Variants in NEU3 observed in about 807,000 individuals in gnomAD.
The protein encoded by NEU3 is sialidase-3.
A neutral mutation model predicts 11.4 loss-of-function variants in NEU3; 10 were observed. That is an observed-to-expected ratio of 0.88 (90% CI 0.54 to 1.49). The LOEUF (loss-of-function observed/expected upper bound fraction) is 1.49. Ranked by LOEUF, NEU3 falls within the 40% of genes most tolerant of loss-of-function variation. NEU3 has a pLI of 0.00. For synonymous variants in NEU3, 212 were observed against 228.2 expected, an observed-to-expected ratio of 0.93 and a Z score of 0.64; for missense variants, 529 against 581.8, an observed-to-expected ratio of 0.91 and a Z score of 0.93.
At chr11:75,012,386 AG>A (rs1225812093), downstream of NEU3, among the ~76,000 whole-genome samples, 3 of 152,202 alleles carry the variant, frequency 2.0e-5, no homozygotes, top group Non-Finnish European at 4.4e-5. Context: ...TGGCTTATAA[AG>A]GTACACGGGG....
chr11:75,005,674 G>A lies in NEU3; in HGVS notation c.568G>A (p.Ala190Thr), dbSNP rs1277203464. ...CATTGGCTCAGAGCTGAAGCACTGG[G>A]CCACATTTGCTGTGGGCCCAGGTCA... is the stretch of plus-strand genomic sequence containing the variant. ...EVIGSELKHW[A>T]TFAVGPGHGI... The change falls in exon 3 of 3, where the codon GCC (alanine) becomes ACC (threonine). Residue 190 changes from alanine (A) to threonine (T), a missense_variant. Transcript: ENST00000294064. The A allele has an allele frequency of 6.2e-7, 1 of 1,613,902 alleles. No individual in the cohort carries two copies. Among genetic ancestry groups the A allele is most frequent in the Non-Finnish European group, 8.5e-7 (1 of 1,179,906 alleles).
chr11:75,011,810 GA>G (rs773901262), downstream of NEU3, among the ~76,000 whole-genome samples: 8 of 152,224 alleles, frequency 5.3e-5, no homozygotes, highest in Non-Finnish European at 7.4e-5. Flanking sequence ...ACCTGGAACT[GA>G]AATGTAAGCC....
Position 75,005,713 on chromosome 11 carries a change from C to T in NEU3, c.607C>T (p.Gln203Ter). The change falls in exon 3 of 3, where the codon CAG becomes TAG. Residue 203 changes from glutamine to a stop codon, truncating the protein, a stop_gained. Coordinates refer to ENST00000294064, the MANE Select transcript of NEU3 (RefSeq NM_006656.6). LOFTEE classifies it low-confidence loss of function (END_TRUNC). Reference sequence around the variant, plus strand: ...GGGCCCAGGTCATGGCATCCAGCTGCAGTCAGGGAGACTGGTCATCCCTGC... The same window carrying T: ...GGGCCCAGGTCATGGCATCCAGCTGTAGTCAGGGAGACTGGTCATCCCTGC... The part of the protein sequence containing the change: ...AVGPGHGIQL[Q>*]SGRLVIPAYT... The T allele has an allele frequency of 6.2e-7, 1 of 1,614,022 alleles. No homozygotes were observed. Among genetic ancestry groups the T allele is most frequent in the South Asian group, 1.1e-5 (1 of 91,082 alleles).
chr11:74,999,666 C>T (rs1022066151), intron 2 of NEU3, among the ~76,000 whole-genome samples: 1 of 152,176 alleles, frequency 6.6e-6, no homozygotes, highest in African/African-American at 2.4e-5. Flanking sequence ...TGTCATTTTC[C>T]ATTAAGGGTC....
intron 1 of NEU3, among the ~76,000 whole-genome samples, chr11:74,991,568 T>C (rs1200716121): frequency 6.6e-6 from 1 of 152,212 alleles, no homozygotes; most frequent in Non-Finnish European, 1.5e-5. Context: ...CAAAAATTCT[T>C]GAGTGGTCTC....
At chr11:74,984,313 TA>T (rs1412456282), upstream of NEU3, among the ~76,000 whole-genome samples, 1 of 152,192 alleles carries the variant, frequency 6.6e-6, no homozygotes, top group Non-Finnish European at 1.5e-5. Flanking sequence ...CACTGCCCAT[TA>T]TTGAAGATTC....
chr11:74,984,303 C>T (rs1448672084), upstream of NEU3, among the ~76,000 whole-genome samples: 1 of 152,216 alleles, frequency 6.6e-6, no homozygotes, highest in Non-Finnish European at 1.5e-5. Context: ...CGCACATGCT[C>T]ACTGCCCATT....
downstream of NEU3, among the ~76,000 whole-genome samples, chr11:75,013,246 C>G (rs570554984): frequency 2.0e-5 from 3 of 152,316 alleles, no homozygotes; most frequent in East Asian, 5.8e-4. Context: ...GCCCAGCCCC[C>G]TCACCAGAGA....
rs1565499718 is a variant in NEU3, at chr11:75,010,682, C to G, written c.*4190C>G. 1 of 152,120 alleles carries G rather than the reference C, an allele frequency of 6.6e-6. No homozygotes were observed. The highest frequency in any genetic ancestry group is 2.4e-5 in the African/African-American group (1 of 41,418). 9.4% of individuals were successfully genotyped at this position (152,120 alleles called of 1,614,324 possible). ...CAGAAGAGTGAGCAGCCTAATCAAGCCAAGCCTTGATTTGGGGTTCTCACT... is the reference window on the plus strand; with the variant it reads ...CAGAAGAGTGAGCAGCCTAATCAAGGCAAGCCTTGATTTGGGGTTCTCACT... On this transcript the variant is annotated 3_prime_UTR_variant, in exon 3 of 3. Transcript: ENST00000294064.
chr11:74,995,398 A>C (rs1363807159), intron 2 of NEU3, among the ~76,000 whole-genome samples: 2 of 152,224 alleles, frequency 1.3e-5, no homozygotes, highest in Admixed American at 1.3e-4. Context: ...TCTTCAGTAG[A>C]ACATTTTGAC....
the NEU3 span, among the ~76,000 whole-genome samples, chr11:74,982,746 C>T: frequency 1.3e-5 from 2 of 151,566 alleles, no homozygotes; most frequent in Admixed American, 6.6e-5. Flanking sequence ...AGGAGAGCAG[C>T]GAAAAAAAAG....
At chr11:74,994,940 G>A (rs1394372255) in intron 2 of NEU3, 1 of 664,102 alleles carries the variant, frequency 1.5e-6, no homozygotes, top group African/African-American at 1.8e-5. Context: ...ACTGTTTTCA[G>A]TCATATTTTA....
At chr11:74,989,668 C>T (rs1023590340) in intron 1 of NEU3, among the ~76,000 whole-genome samples, 2 of 152,032 alleles carry the variant, frequency 1.3e-5, no homozygotes, top group Non-Finnish European at 2.9e-5. Flanking sequence ...ACTGGAGGCT[C>T]ATTGGGTTAG....
chr11:75,017,457 C>G (rs1948985031), intron 3 of NEU3, among the ~76,000 whole-genome samples: 1 of 152,136 alleles, frequency 6.6e-6, no homozygotes, highest in Admixed American at 6.5e-5. Flanking sequence ...GAAAATGAGG[C>G]CTGAAATCCA....
chr11:75,006,563 T>C lies in NEU3; in HGVS notation c.*71T>C. The stretch of plus-strand genomic sequence containing the variant: ...CAGGTTAACAGAAGCTACTGAAGTC[T>C]ACAGATAATCAAAAAACTTAATATT... On this transcript the variant is annotated 3_prime_UTR_variant, in exon 3 of 3. Transcript: ENST00000294064. The C allele has an allele frequency of 6.7e-7, 1 of 1,483,044 alleles. No individual in the cohort carries two copies. Among genetic ancestry groups the C allele is most frequent in the East Asian group, 2.3e-5 (1 of 43,950 alleles). The allele number at this position is 1,483,044 out of a possible 1,614,324, so 91.9% of individuals were successfully genotyped here.
At chr11:74,991,885 A>C (rs544837526) in intron 1 of NEU3, among the ~76,000 whole-genome samples, 11 of 152,266 alleles carry the variant, frequency 7.2e-5, no homozygotes, top group Non-Finnish European at 1.6e-4. Flanking sequence ...TAATAGGCAT[A>C]GTTCTAGGTG....
In NEU3 at chr11:74,989,044, C is replaced by T. The variant is rs750800003; in HGVS notation, c.-17C>T. 2 of 1,547,416 alleles carry T rather than the reference C, an allele frequency of 1.3e-6. No homozygotes were observed. The highest frequency in any genetic ancestry group is 1.2e-5 in the South Asian group (1 of 83,964). On this transcript the variant is annotated 5_prime_UTR_variant, in exon 1 of 3. Coordinates refer to ENST00000294064, the MANE Select transcript of NEU3 (RefSeq NM_006656.6). ...CTCCCCAGCCTTGGGGCCGGTGCCT[C>T]TTCCGGGCTTCGGCGAATGAGACCT... is the stretch of plus-strand genomic sequence containing the variant.
At chr11:75,012,835 A>G (rs1199848937), downstream of NEU3, among the ~76,000 whole-genome samples, 1 of 152,118 alleles carries the variant, frequency 6.6e-6, no homozygotes, top group Non-Finnish European at 1.5e-5. Flanking sequence ...AAAGTGAGAG[A>G]GTTTGCTTTT....
At chr11:75,004,361 T>C in intron 2 of NEU3, 1 of 640,650 alleles carries the variant, frequency 1.6e-6, no homozygotes, top group South Asian at 1.7e-5. Context: ...CTCAAGCTAT[T>C]CTAAAGTGCT....
Sources: gnomAD v4.1 joint callset for allele counts (sites outside exome capture counted in the v4.1 genomes callset) on GRCh38, gnomAD v4.1.1 for gene constraint, MANE v1.5 for transcripts, NCBI Gene and HGNC (gene_info 2026-07-23, HGNC 2026-07-21) for gene names.